The following BEGAIN variants were observed in gnomAD, a reference collection of about 807,000 sequenced individuals.
BEGAIN encodes the protein brain enriched guanylate kinase associated.
BEGAIN carries 19 observed loss-of-function variants against 35.8 expected under a neutral mutation model. The ratio of observed to expected loss-of-function variants is 0.53; its 90% CI spans 0.37 to 0.78. The LOEUF is 0.78. Ranked by LOEUF, BEGAIN falls within the 30% of genes least tolerant of loss-of-function variation. The pLI, the probability that BEGAIN is intolerant of heterozygous loss-of-function variation, is 0.00. For synonymous variants in BEGAIN, 462 were observed against 388.6 expected, an observed-to-expected ratio of 1.19 and a Z score of -2.22; for missense variants, 795 against 853.6, an observed-to-expected ratio of 0.93 and a Z score of 0.85.
At chr14:100,554,141 AC>A (rs2033476958) in intron 2 of BEGAIN, among the ~76,000 whole-genome samples, 1 of 152,006 alleles carries the variant, frequency 6.6e-6, no homozygotes, top group Non-Finnish European at 1.5e-5. Flanking sequence ...TCAGGAGGAA[AC>A]CCTTTCTAGC....
chr14:100,539,071 T>G lies in BEGAIN; in HGVS notation c.737A>C (p.Tyr246Ser), dbSNP rs1396147042. ...GPRPPYKGDI[Y>S]CSDTALYCPE... is the part of the protein sequence containing the mutation. ...GCAGTAGAGGGCTGTGTCACTGCAGTAGATGTCTCCCTTGTAGGGGGGCCG... is the reference window on the plus strand; with the variant it reads ...GCAGTAGAGGGCTGTGTCACTGCAGGAGATGTCTCCCTTGTAGGGGGGCCG... Residue 246 changes from tyrosine (Y) to serine (S), a missense_variant, in exon 7 of 7, where the codon TAC becomes TCC. Tyr to Ser is a moderately radical substitution (Grantham distance 144). Around this residue, in one of 3 missense-constraint regions of BEGAIN, gnomAD observed 664 missense variants for 647.7 expected, o/e 1.03. Coordinates refer to ENST00000554140, the MANE Select transcript of BEGAIN (RefSeq NM_001385089.1). The G allele has an allele frequency of 6.2e-7, 1 of 1,612,620 alleles. No individual in the cohort carries two copies. Among genetic ancestry groups the G allele is most frequent in the Admixed American group, 1.7e-5 (1 of 59,958 alleles).
intron 2 of BEGAIN, among the ~76,000 whole-genome samples, chr14:100,556,420 C>T (rs530516446): frequency 6.6e-6 from 1 of 152,306 alleles, no homozygotes; most frequent in African/African-American, 2.4e-5. Context: ...GTGGGCAGAC[C>T]CAGCGCGTGC....
chr14:100,542,300 G>GC (rs1168171327), intron 5 of BEGAIN, among the ~76,000 whole-genome samples: 1 of 152,224 alleles, frequency 6.6e-6, no homozygotes, highest in East Asian at 1.9e-4. Context: ...ATTGACTGCA[G>GC]CCCCCTTCTC....
intron 1 of BEGAIN, among the ~76,000 whole-genome samples, chr14:100,581,055 G>T (rs1046224217): frequency 2.6e-5 from 4 of 152,074 alleles, no homozygotes; most frequent in African/African-American, 9.7e-5. Flanking sequence ...GAGACTTGGA[G>T]GCTGGCAGAT....
intron 2 of BEGAIN, among the ~76,000 whole-genome samples, chr14:100,554,877 T>C (rs2033552744): frequency 6.6e-6 from 1 of 152,234 alleles, no homozygotes; most frequent in Non-Finnish European, 1.5e-5. Context: ...TCGCCATTCC[T>C]GGCCCCCCCC....
At chr14:100,560,615 C>T (rs1461358847) in intron 2 of BEGAIN, among the ~76,000 whole-genome samples, 1 of 152,192 alleles carries the variant, frequency 6.6e-6, no homozygotes. Context: ...AGAGAACCAG[C>T]AGTGGCTGCT....
intron 1 of BEGAIN, chr14:100,577,631 G>T (rs2035229657): frequency 2.5e-6 from 1 of 399,116 alleles, no homozygotes. Context: ...GAGAAGGGCA[G>T]TCTGGCCTCC....
chr14:100,577,570 T>TCCAGGGTC (rs945396644), intron 1 of BEGAIN: 1 of 399,032 alleles, frequency 2.5e-6, no homozygotes. Flanking sequence ...CCTGAAGGCC[T>TCCAGGGTC]CCAGGGTCCC....
intron 1 of BEGAIN, among the ~76,000 whole-genome samples, chr14:100,577,050 C>T (rs943396799): frequency 6.6e-6 from 1 of 152,226 alleles, no homozygotes; most frequent in African/African-American, 2.4e-5. Flanking sequence ...CAAGGTAAAC[C>T]ACCAAGGCTC....
intron 2 of BEGAIN, among the ~76,000 whole-genome samples, chr14:100,566,479 TTCC>T (rs1440260012): frequency 6.6e-6 from 1 of 152,088 alleles, no homozygotes; most frequent in Non-Finnish European, 1.5e-5. Flanking sequence ...TGCTAAGTTT[TTCC>T]TCAAGTCTCA....
rs991100407 is a variant in BEGAIN at position 100,567,003 on chromosome 14, G to C, written c.71+908C>G. ...GGGCCCAGGCTGGGCTCTGCTCCTTGGGGGAGGGATGCTCCTCTACCCGGC... is the reference window on the plus strand; with the variant it reads ...GGGCCCAGGCTGGGCTCTGCTCCTTCGGGGAGGGATGCTCCTCTACCCGGC... On this transcript the variant is annotated intron_variant, in intron 2 of 6. Transcript: ENST00000554140. This position sits in a 1 kb window ranked among gnomAD's most constrained non-coding sequence, Gnocchi z 5.1. Among the ~76,000 whole-genome samples, 26 of 152,310 alleles carry C rather than the reference G, an allele frequency of 1.7e-4. No homozygotes were observed. The highest frequency in any genetic ancestry group is 6.0e-4 in the African/African-American group (25 of 41,578).
chr14:100,564,266 G>T (rs1229937484), intron 2 of BEGAIN, among the ~76,000 whole-genome samples: 2 of 152,212 alleles, frequency 1.3e-5, no homozygotes, highest in East Asian at 3.9e-4. Context: ...GTCTCTGCAG[G>T]CCTATCACAG....
intron 2 of BEGAIN, among the ~76,000 whole-genome samples, chr14:100,561,693 C>G (rs1417447827): frequency 1.3e-5 from 2 of 151,348 alleles, no homozygotes; most frequent in Non-Finnish European, 2.9e-5. Flanking sequence ...GCACTCCAGC[C>G]TGGCGGACAG....
intron 1 of BEGAIN, among the ~76,000 whole-genome samples, chr14:100,580,727 C>T (rs914978029): frequency 1.2e-4 from 19 of 152,254 alleles, no homozygotes; most frequent in South Asian, 2.1e-4. Flanking sequence ...TGTGTCCCCC[C>T]GTAGAATGTA....
chr14:100,566,491 C>T (rs2034693806), intron 2 of BEGAIN, among the ~76,000 whole-genome samples: 1 of 152,182 alleles, frequency 6.6e-6, no homozygotes, highest in Non-Finnish European at 1.5e-5. Flanking sequence ...CCTCAAGTCT[C>T]AGCTGAGTTA....
At chr14:100,551,748 G>A (rs2140598987) in intron 2 of BEGAIN, among the ~76,000 whole-genome samples, 1 of 152,270 alleles carries the variant, frequency 6.6e-6, no homozygotes, top group African/African-American at 2.4e-5. Flanking sequence ...GTCAGGCCGA[G>A]GGGGCAGCAG....
Position 100,539,073 on chromosome 14 carries a change from G to C in BEGAIN, c.735C>G (p.Ile245Met), listed in dbSNP as rs2031127766. 1 of 1,612,514 alleles carries C rather than the reference G, an allele frequency of 6.2e-7. No homozygotes were observed. Among genetic ancestry groups the C allele is most frequent in the East Asian group, 2.2e-5 (1 of 44,876 alleles). The change falls in exon 7 of 7, where the codon ATC becomes ATG. Residue 245 changes from isoleucine to methionine, a missense_variant. Transcript: ENST00000554140. Reference sequence around the variant, plus strand: ...AGTAGAGGGCTGTGTCACTGCAGTAGATGTCTCCCTTGTAGGGGGGCCGCG... The same window carrying C: ...AGTAGAGGGCTGTGTCACTGCAGTACATGTCTCCCTTGTAGGGGGGCCGCG... ...PGPRPPYKGD[I>M]YCSDTALYCP... is the part of the protein sequence containing the mutation.
rs778535371 is a variant in BEGAIN, at chr14:100,539,182, G to A, written c.626C>T (p.Pro209Leu). Residue 209 changes from proline to leucine, a missense_variant, in exon 7 of 7, where the codon CCG becomes CTG. By Grantham distance (98) the Pro-to-Leu change is moderately conservative. This residue lies in a region of BEGAIN where 664 missense variants were observed against 647.7 expected (regional missense o/e 1.03). Transcript: ENST00000554140. ...GCGGGAGGACAGGCTGGCGGGGTCC[G>A]GCTTCTCCAGCACCTTGGCAATGAC... ...TCVIAKVLEK[P>L]DPASLSSRLS... 3.8e-6 allele frequency: 6 copies of A among 1,580,260 alleles called. No homozygotes were observed. Among genetic ancestry groups the A allele is most frequent in the Non-Finnish European group, 5.2e-6 (6 of 1,160,910 alleles).
intron 1 of BEGAIN, among the ~76,000 whole-genome samples, chr14:100,570,356 A>C (rs1450862922): frequency 2.0e-5 from 3 of 152,210 alleles, no homozygotes; most frequent in African/African-American, 7.2e-5. Flanking sequence ...AGAGACAGGC[A>C]GGGAACAGGC....
Sources: allele counts gnomAD v4.1 joint callset (sites outside exome capture counted in the v4.1 genomes callset), GRCh38; gene constraint gnomAD v4.1.1; regional missense constraint gnomAD v4.1.1; non-coding constraint Gnocchi (gnomAD v3.1); transcripts MANE v1.5; gene names NCBI Gene and HGNC (gene_info 2026-07-23, HGNC 2026-07-21).